Variants in ALK observed in about 807,000 individuals in gnomAD.
ALK encodes the protein ALK receptor tyrosine kinase.
In ALK, 74 loss-of-function variants were observed where a neutral mutation model predicts 163.1. That is an observed-to-expected ratio of 0.45 (90% CI 0.38 to 0.55). The LOEUF is 0.55. ALK is among the 20% of genes least tolerant of loss of function. ALK has a pLI of 0.00. For synonymous variants in ALK, 960 were observed against 843.2 expected, an observed-to-expected ratio of 1.14 and a Z score of -2.40; for missense variants, 2,063 against 2,105.3, an observed-to-expected ratio of 0.98 and a Z score of 0.39.
At chr2:29,711,516 A>G (rs1007563132) in intron 2 of ALK, among the ~76,000 whole-genome samples, 2 of 152,080 alleles carry the variant, frequency 1.3e-5, no homozygotes, top group African/African-American at 4.8e-5. Flanking sequence ...TATCACTGAC[A>G]TGTCTAGAGC....
chr2:29,250,753 C>A (rs1664794783), intron 12 of ALK, among the ~76,000 whole-genome samples: 1 of 152,212 alleles, frequency 6.6e-6, no homozygotes, highest in South Asian at 2.1e-4. Flanking sequence ...GCTTCTGTTT[C>A]CCAAACATTT....
chr2:29,869,616 C>A (rs1356203544), intron 1 of ALK, among the ~76,000 whole-genome samples: 1 of 152,040 alleles, frequency 6.6e-6, no homozygotes, highest in Non-Finnish European at 1.5e-5. Flanking sequence ...AATCAAAAAA[C>A]TTTATATTAA....
At position 29,226,907 on chromosome 2, in the gene ALK, G is replaced by A. The variant is rs2148178230; in HGVS notation, c.3067+15C>T. On this transcript the variant is annotated intron_variant, in intron 18 of 28. Coordinates refer to ENST00000389048, the MANE Select transcript of ALK (RefSeq NM_004304.5). ...GCTATGGGCCCCTCTGCCTCCCCTGGCCCTGCCCCCTTACCAATGCAGGAG... is the reference window on the plus strand; with the variant it reads ...GCTATGGGCCCCTCTGCCTCCCCTGACCCTGCCCCCTTACCAATGCAGGAG... The A allele has an allele frequency of 1.2e-6, 2 of 1,613,798 alleles. No individual in the cohort carries two copies. Among genetic ancestry groups the A allele is most frequent in the South Asian group, 2.2e-5 (2 of 91,060 alleles).
rs1473999218 is a variant in ALK, at chr2:29,193,684, C to T, written c.4403G>A (p.Gly1468Glu). Residue 1468 changes from glycine to glutamate, a missense_variant, in exon 29 of 29, where the codon GGG (glycine) becomes GAG (glutamate). Transcript: ENST00000389048. ...CACGTGTCCCCCTTCCACGGCCGGC[C>T]CTCTAGGGACTCGAACAGAGATCTC... is the stretch of plus-strand genomic sequence containing the variant. ...AAEISVRVPR[G>E]PAVEGGHVNM... The T allele has an allele frequency of 6.2e-7, 1 of 1,613,764 alleles. No individual in the cohort carries two copies. Among genetic ancestry groups the T allele is most frequent in the Non-Finnish European group, 8.5e-7 (1 of 1,179,708 alleles).
chr2:29,265,632 A>C (rs1665203052), intron 11 of ALK, among the ~76,000 whole-genome samples: 1 of 152,192 alleles, frequency 6.6e-6, no homozygotes, highest in African/African-American at 2.4e-5. Flanking sequence ...AAAAATAATA[A>C]AAATTAGATG....
intron 1 of ALK, among the ~76,000 whole-genome samples, chr2:29,782,967 A>G (rs552794193): frequency 5.3e-5 from 8 of 152,318 alleles, no homozygotes; most frequent in African/African-American, 1.9e-4. Flanking sequence ...GTTCATGAAC[A>G]TTACTCAAAA....
chr2:29,344,484 G>A (rs753790191), intron 5 of ALK, among the ~76,000 whole-genome samples: 1 of 152,230 alleles, frequency 6.6e-6, no homozygotes, highest in Non-Finnish European at 1.5e-5. Context: ...CCATGCTAGA[G>A]AGGTCAGGTG....
intron 1 of ALK, chr2:29,892,473 G>A (rs1208360871): frequency 1.3e-5 from 2 of 152,220 alleles, no homozygotes; most frequent in Non-Finnish European, 2.9e-5. Context: ...ATTTCTGAAT[G>A]AAGGGTAGTT....
At chr2:29,541,955 T>C (rs183163269) in intron 3 of ALK, among the ~76,000 whole-genome samples, 135 of 152,372 alleles carry the variant, frequency 8.9e-4, no homozygotes, top group African/African-American at 3.1e-3. Flanking sequence ...TAACCTGTCT[T>C]GCAACTATAA....
At chr2:29,281,894 C>T (rs997459453) in intron 9 of ALK, among the ~76,000 whole-genome samples, 4 of 152,156 alleles carry the variant, frequency 2.6e-5, no homozygotes, top group Non-Finnish European at 4.4e-5. Context: ...TAATGGACAG[C>T]GAATATAATG....
At chr2:29,403,394 T>C (rs190297469) in intron 4 of ALK, among the ~76,000 whole-genome samples, 122 of 152,250 alleles carry the variant, frequency 8.0e-4, no homozygotes, top group African/African-American at 2.8e-3. Flanking sequence ...AATCAAGTTA[T>C]TCTGTGTCTG....
intron 15 of ALK, among the ~76,000 whole-genome samples, chr2:29,230,289 CTTT>C (rs5830106): frequency 2.9e-5 from 4 of 138,958 alleles, no homozygotes; most frequent in Admixed American, 7.0e-5. Context: ...ACACAATCAT[CTTT>C]TTTTTTTTTT....
chr2:29,480,270 T>C (rs1671630586), intron 4 of ALK, among the ~76,000 whole-genome samples: 1 of 152,138 alleles, frequency 6.6e-6, no homozygotes, highest in Non-Finnish European at 1.5e-5. Context: ...AGGCTTTAGA[T>C]TTATTTATTT....
chr2:29,472,439 A>G (rs568831925), intron 4 of ALK, among the ~76,000 whole-genome samples: 1 of 152,342 alleles, frequency 6.6e-6, no homozygotes, highest in Admixed American at 6.5e-5. Context: ...AACTTCCTCA[A>G]TCTGACAAAT....
Position 29,347,197 on chromosome 2 carries a change from G to A in ALK, c.1283-18716C>T, listed in dbSNP as rs963093467. ...TAAGAGGTAGAGAGGAACTAGAACC[G>A]TGGTCTCCTGGCTGCCAGTTCAGGG... On this transcript the variant is annotated intron_variant, in intron 5 of 28. Transcript: ENST00000389048. 5.3e-4 allele frequency among the ~76,000 whole-genome samples: 81 copies of A among 152,206 alleles called. 3 individuals are homozygous for A. The highest frequency in any genetic ancestry group is 2.9e-4 in the African/African-American group (12 of 41,460).
At chr2:29,613,849 T>C (rs1332168866) in intron 3 of ALK, among the ~76,000 whole-genome samples, 1 of 152,212 alleles carries the variant, frequency 6.6e-6, no homozygotes, top group East Asian at 1.9e-4. Flanking sequence ...CTTTGCAGAT[T>C]CAGCTGGTCT....
In ALK at chr2:29,732,649, G is replaced by T. The variant is rs114153733; in HGVS notation, c.668-14952C>A. Among the ~76,000 whole-genome samples, 545 of 152,278 alleles carry T rather than the reference G, an allele frequency of 3.6e-3. 2 individuals are homozygous for T. Among genetic ancestry groups the T allele is most frequent in the African/African-American group, 0.013 (522 of 41,554 alleles). ...ACTCCCCAGTGTGATGGTATTAGGA[G>T]GTGAGGCCTTTGAGAGGTAGGGCTT... On this transcript the variant is annotated intron_variant, in intron 1 of 28. Transcript: ENST00000389048.
At chr2:29,696,935 A>AC (rs1678584299) in intron 2 of ALK, among the ~76,000 whole-genome samples, 1 of 150,510 alleles carries the variant, frequency 6.6e-6, no homozygotes, top group African/African-American at 2.4e-5. Context: ...TAAAAAAAAA[A>AC]ATAAAATAAA....
intron 1 of ALK, among the ~76,000 whole-genome samples, chr2:29,768,881 T>C (rs1444780483): frequency 1.3e-5 from 2 of 152,072 alleles, no homozygotes; most frequent in African/African-American, 4.8e-5. Flanking sequence ...TCACCCAGGC[T>C]GGAGTGCAGG....
Sources: allele counts gnomAD v4.1 joint callset (sites outside exome capture counted in the v4.1 genomes callset), GRCh38; gene constraint gnomAD v4.1.1; transcripts MANE v1.5; gene names NCBI Gene and HGNC (gene_info 2026-07-23, HGNC 2026-07-21).